CEP128: variants seen among roughly 807,000 people sequenced by gnomAD.
CEP128 encodes the protein centrosomal protein 128kDa.
A neutral mutation model predicts 156.7 loss-of-function variants in CEP128; 132 were observed. The observed-to-expected ratio is 0.84, with a 90% confidence interval of 0.73 to 0.97. The LOEUF (loss-of-function observed/expected upper bound fraction) is 0.97. Ranked by LOEUF, CEP128 falls within the 50% of genes least tolerant of loss-of-function variation. CEP128 has a pLI of 0.00. For missense variants in CEP128, 1,252 were observed against 1,281.9 expected (o/e 0.98, Z 0.36); for synonymous variants, 469 against 448.9 (o/e 1.04, Z -0.57).
chr14:80,822,804 G>A (rs1885261053), intron 13 of CEP128: 3 of 746,014 alleles, frequency 4.0e-6, no homozygotes, highest in Admixed American at 3.4e-5. Context: ...TGAAGTGTGT[G>A]CATTTTTGAT....
chr14:80,943,677 C>T (rs1309392725), upstream of CEP128, among the ~76,000 whole-genome samples: 2 of 152,162 alleles, frequency 1.3e-5, no homozygotes, highest in African/African-American at 2.4e-5. Flanking sequence ...TCTCAGTCAA[C>T]AGACGTGGCA....
At chr14:80,834,313 G>C (rs776378759) in intron 12 of CEP128, among the ~76,000 whole-genome samples, 12 of 152,060 alleles carry the variant, frequency 7.9e-5, no homozygotes, top group Admixed American at 1.3e-4. Flanking sequence ...GAAGGAAGAA[G>C]AAATAAGCAG....
intron 21 of CEP128, among the ~76,000 whole-genome samples, chr14:80,547,121 C>T (rs1369655255): frequency 5.3e-5 from 8 of 152,138 alleles, no homozygotes; most frequent in Non-Finnish European, 1.2e-4. Context: ...ACTGACAAAG[C>T]TCAAGATAGA....
At chr14:80,878,262 G>T (rs1372473140) in intron 8 of CEP128, among the ~76,000 whole-genome samples, 1 of 152,224 alleles carries the variant, frequency 6.6e-6, no homozygotes, top group African/African-American at 2.4e-5. Flanking sequence ...TAAGAGCCAT[G>T]GCTGAGCTGT....
intron 19 of CEP128, among the ~76,000 whole-genome samples, chr14:80,683,189 G>A (rs1182524850): frequency 6.6e-6 from 1 of 152,100 alleles, no homozygotes; most frequent in African/African-American, 2.4e-5. Flanking sequence ...TGGCAAGCTG[G>A]ACAGGACCAT....
At chr14:80,697,400 C>A (rs1225445724) in intron 19 of CEP128, among the ~76,000 whole-genome samples, 1 of 152,048 alleles carries the variant, frequency 6.6e-6, no homozygotes, top group Non-Finnish European at 1.5e-5. Flanking sequence ...ATCTAACAGT[C>A]ATTCAATTGA....
chr14:80,885,734 G>C (rs139250985), intron 8 of CEP128, among the ~76,000 whole-genome samples: 1 of 152,004 alleles, frequency 6.6e-6, no homozygotes, highest in Non-Finnish European at 1.5e-5. Context: ...CCAAATGATC[G>C]CAACTCCTCT....
At chr14:80,945,319 C>A (rs1270457375), upstream of CEP128, among the ~76,000 whole-genome samples, 1 of 152,074 alleles carries the variant, frequency 6.6e-6, no homozygotes, top group Non-Finnish European at 1.5e-5. Context: ...TAACTACCTC[C>A]TTAAAGGTCC....
chr14:80,886,816 T>A (rs1009340653), intron 8 of CEP128, among the ~76,000 whole-genome samples: 1 of 152,138 alleles, frequency 6.6e-6, no homozygotes, highest in African/African-American at 2.4e-5. Flanking sequence ...AATGCCCCAA[T>A]TAAAAGACAC....
chr14:80,540,402 A>G (rs955262445), intron 21 of CEP128, among the ~76,000 whole-genome samples: 6 of 152,170 alleles, frequency 3.9e-5, no homozygotes, highest in Admixed American at 1.3e-4. Context: ...AGGTTCCCCC[A>G]GTAAGGATAA....
At chr14:80,711,295 TTGTGTGTGTGTG>T (rs138953286) in intron 19 of CEP128, among the ~76,000 whole-genome samples, 18 of 145,846 alleles carry the variant, frequency 1.2e-4, no homozygotes, top group South Asian at 4.4e-4. Context: ...TAAGACTATG[TTGTGTGTGTGTG>T]TGTGTGTGTG....
chr14:80,716,716 A>G (rs998111427), intron 19 of CEP128, among the ~76,000 whole-genome samples: 3 of 152,174 alleles, frequency 2.0e-5, no homozygotes, highest in Admixed American at 6.5e-5. Context: ...ACATGCGTGT[A>G]CGGGTTTTTG....
chr14:80,669,252 G>A (rs1566845421), intron 19 of CEP128, among the ~76,000 whole-genome samples: 1 of 152,100 alleles, frequency 6.6e-6, no homozygotes, highest in African/African-American at 2.4e-5. Context: ...CTGGACATGG[G>A]TCTAGGCAAA....
At chr14:80,772,901 C>G (rs12892368) in intron 16 of CEP128, among the ~76,000 whole-genome samples, 15,240 of 152,154 alleles carry the variant, frequency 0.1, 1,296 homozygotes, top group East Asian at 0.43. Flanking sequence ...AAAGGTAATA[C>G]GTAGATTTTT....
chr14:80,891,685 T>A (rs1474582825), intron 8 of CEP128, among the ~76,000 whole-genome samples: 3 of 151,576 alleles, frequency 2.0e-5, no homozygotes, highest in African/African-American at 4.8e-5. Context: ...TTAAAATAAC[T>A]AAAAGAGTAT....
At chr14:80,768,875 C>T (rs973036682) in intron 16 of CEP128, among the ~76,000 whole-genome samples, 1 of 152,138 alleles carries the variant, frequency 6.6e-6, no homozygotes, top group African/African-American at 2.4e-5. Flanking sequence ...CGATGAACAG[C>T]ATAATCAGAA....
intron 19 of CEP128, among the ~76,000 whole-genome samples, chr14:80,643,301 C>T (rs755274218): frequency 6.6e-6 from 1 of 152,132 alleles, no homozygotes; most frequent in Admixed American, 6.5e-5. Flanking sequence ...GTACACAGCC[C>T]TGTGGGAGAT....
At chr14:80,944,327 G>C (rs1222735187), upstream of CEP128, among the ~76,000 whole-genome samples, 1 of 152,144 alleles carries the variant, frequency 6.6e-6, no homozygotes, top group East Asian at 1.9e-4. Context: ...CTTGTGAGGG[G>C]TGATTAGGTC....
At chr14:80,549,942 C>T (rs1466322850) in intron 21 of CEP128, among the ~76,000 whole-genome samples, 1 of 152,196 alleles carries the variant, frequency 6.6e-6, no homozygotes, top group African/African-American at 2.4e-5. Context: ...ATTACTTAGT[C>T]TGTAATTTCC....
Sources: gnomAD v4.1 joint callset for allele counts (sites outside exome capture counted in the v4.1 genomes callset) on GRCh38, gnomAD v4.1.1 for gene constraint, MANE v1.5 for transcripts, NCBI Gene and HGNC (gene_info 2026-07-23, HGNC 2026-07-21) for gene names.